PCDHA12: variants seen among roughly 807,000 people sequenced by gnomAD.
PCDHA12 encodes the protein protocadherin alpha 12, also known as protocadherin alpha-12.
In PCDHA12, 44 loss-of-function variants were observed where a neutral mutation model predicts 60.0. The ratio of observed to expected loss-of-function variants is 0.73; its 90% CI spans 0.58 to 0.94. The LOEUF (loss-of-function observed/expected upper bound fraction) is 0.94. Ranked by LOEUF, PCDHA12 falls within the 40% of genes least tolerant of loss-of-function variation. The pLI, the probability that PCDHA12 is intolerant of heterozygous loss-of-function variation, is 0.00. For missense variants in PCDHA12, 1,276 were observed against 1,239.7 expected (o/e 1.03, Z -0.44); for synonymous variants, 569 against 553.0 (o/e 1.03, Z -0.40).
At chr5:140,991,691 A>G (rs2153897191) in intron 3 of PCDHA12, among the ~76,000 whole-genome samples, 1 of 152,286 alleles carries the variant, frequency 6.6e-6, no homozygotes, top group Middle Eastern at 3.4e-3. Flanking sequence ...TCTCTAGTAG[A>G]GCCATTAATA....
At chr5:140,942,992 C>T (rs782446748) in intron 1 of PCDHA12, among the ~76,000 whole-genome samples, 3 of 152,006 alleles carry the variant, frequency 2.0e-5, no homozygotes, top group South Asian at 2.1e-4. Flanking sequence ...TGTGGTGGCT[C>T]ATGCCTGTAA....
At chr5:140,928,453 T>C in intron 1 of PCDHA12, 1 of 1,613,888 alleles carries the variant, frequency 6.2e-7, no homozygotes, top group Non-Finnish European at 8.5e-7. Context: ...GCTCAGGGGG[T>C]TTCATTTCCA....
chr5:140,977,514 A>G (rs1554238605), intron 1 of PCDHA12, among the ~76,000 whole-genome samples: 13 of 152,216 alleles, frequency 8.5e-5, no homozygotes. Context: ...CATTTTGTGA[A>G]CTTGAAAACA....
intron 3 of PCDHA12, 32 bp from the exon 4 acceptor site, chr5:141,009,595 C>T (rs781807814): frequency 6.2e-7 from 1 of 1,604,124 alleles, no homozygotes; most frequent in Admixed American, 1.7e-5. Context: ...TGTGTTGACC[C>T]TGTTAATGAT....
intron 1 of PCDHA12, among the ~76,000 whole-genome samples, chr5:140,932,700 A>G (rs1584752908): frequency 6.6e-6 from 1 of 151,992 alleles, no homozygotes; most frequent in East Asian, 1.9e-4. Flanking sequence ...AAAAACTCAT[A>G]TAGACAACAC....
intron 1 of PCDHA12, among the ~76,000 whole-genome samples, chr5:140,957,475 A>G (rs2095362490): frequency 6.6e-6 from 1 of 152,192 alleles, no homozygotes; most frequent in Non-Finnish European, 1.5e-5. Flanking sequence ...ATGTATAGGA[A>G]AAAACATAGT....
At chr5:140,987,982 C>T (rs781838400) in intron 3 of PCDHA12, among the ~76,000 whole-genome samples, 16 of 152,206 alleles carry the variant, frequency 1.1e-4, no homozygotes, top group Non-Finnish European at 1.5e-4. Flanking sequence ...TCCATGGAGA[C>T]TCCATCTCTG....
intron 1 of PCDHA12, among the ~76,000 whole-genome samples, chr5:140,888,250 G>A (rs2061753546): frequency 6.6e-6 from 1 of 152,128 alleles, no homozygotes; most frequent in African/African-American, 2.4e-5. Flanking sequence ...CTTTAAAGCA[G>A]TAGTTCTTGA....
intron 1 of PCDHA12, chr5:140,881,515 A>T (rs574115987): frequency 4.8e-6 from 1 of 207,066 alleles, no homozygotes; most frequent in Admixed American, 6.5e-5. Context: ...CACATACAAA[A>T]TCCCACACAT....
intron 3 of PCDHA12, among the ~76,000 whole-genome samples, chr5:140,995,258 A>C (rs2097672609): frequency 6.6e-6 from 1 of 152,164 alleles, no homozygotes; most frequent in Non-Finnish European, 1.5e-5. Flanking sequence ...AGGGTACTTG[A>C]ATACAAGCCC....
chr5:140,923,012 G>A (rs2081117924), intron 1 of PCDHA12, among the ~76,000 whole-genome samples: 1 of 152,206 alleles, frequency 6.6e-6, no homozygotes, highest in Non-Finnish European at 1.5e-5. Flanking sequence ...TTGTTGGACT[G>A]CAGTTTCGGA....
At position 140,961,643 on chromosome 5, in the gene PCDHA12, A is replaced by G. The variant is rs533824470; in HGVS notation, c.2368-17306A>G. Reference sequence around the variant, plus strand: ...CCATATGAAAAACAATCTTAAGTCTATGTGGTTAGTTTGAAGTTACCAGTT... The same window carrying G: ...CCATATGAAAAACAATCTTAAGTCTGTGTGGTTAGTTTGAAGTTACCAGTT... On this transcript the variant is annotated intron_variant, in intron 1 of 3. Coordinates refer to ENST00000398631, the MANE Select transcript of PCDHA12 (RefSeq NM_018903.4). Among the ~76,000 whole-genome samples the G allele has an allele frequency of 7.2e-5, 11 of 152,324 alleles. No homozygotes were observed. The East Asian group carries it at 1.9e-3, about 27-fold the overall frequency.
chr5:140,902,225 A>G (rs1454445915), intron 1 of PCDHA12, among the ~76,000 whole-genome samples: 1 of 114,610 alleles, frequency 8.7e-6, no homozygotes, highest in African/African-American at 3.5e-5. Context: ...TTTTTTTGAG[A>G]TGAGGACTTG....
chr5:140,990,998 T>C (rs994699186), intron 3 of PCDHA12, among the ~76,000 whole-genome samples: 1 of 152,216 alleles, frequency 6.6e-6, no homozygotes, highest in Non-Finnish European at 1.5e-5. Flanking sequence ...CTACCATTTA[T>C]TGAGAACTGT....
chr5:140,897,561 G>A (rs1168105225), intron 1 of PCDHA12, among the ~76,000 whole-genome samples: 1 of 151,976 alleles, frequency 6.6e-6, no homozygotes, highest in Non-Finnish European at 1.5e-5. Flanking sequence ...GTGTATATGT[G>A]CCACATTTTC....
chr5:140,912,900 T>A (rs979059809), intron 1 of PCDHA12, among the ~76,000 whole-genome samples: 1 of 152,264 alleles, frequency 6.6e-6, no homozygotes, highest in Non-Finnish European at 1.5e-5. Context: ...ATATGATGTA[T>A]CATATTGATT....
At position 140,875,388 on chromosome 5, in the gene PCDHA12, G is replaced by A; in HGVS notation, c.-85G>A. ...AAAATTTACTAAATATGTACTTACA[G>A]AAAAGGGTGACTGCTCATAAAATAC... On this transcript the variant is annotated 5_prime_UTR_variant, in exon 1 of 4. Transcript: ENST00000398631. 3.4e-6 allele frequency: 5 copies of A among 1,468,696 alleles called. No homozygotes were observed. The highest frequency in any genetic ancestry group is 4.5e-6 in the Non-Finnish European group (5 of 1,110,686). The allele number at this position is 1,468,696 out of a possible 1,614,324, so 91.0% of individuals were successfully genotyped here. A position where few individuals can be genotyped will look rare whatever the true frequency, so the allele number is the denominator to read the frequency against.
chr5:140,945,800 C>T (rs1411676680), intron 1 of PCDHA12, among the ~76,000 whole-genome samples: 1 of 152,026 alleles, frequency 6.6e-6, no homozygotes, highest in African/African-American at 2.4e-5. Flanking sequence ...TGAAACTAGA[C>T]CCTTATCTCA....
chr5:140,892,943 AC>A (rs2063750109), intron 1 of PCDHA12, among the ~76,000 whole-genome samples: 1 of 152,088 alleles, frequency 6.6e-6, no homozygotes, highest in South Asian at 2.1e-4. Flanking sequence ...TAAGCACAAT[AC>A]TACTTCCATG....
Sources: gnomAD v4.1 joint callset for allele counts (sites outside exome capture counted in the v4.1 genomes callset) on GRCh38, gnomAD v4.1.1 for gene constraint, MANE v1.5 for transcripts, NCBI Gene and HGNC (gene_info 2026-07-23, HGNC 2026-07-21) for gene names.